Variants in OTUD7A observed in about 807,000 individuals in gnomAD.
OTUD7A encodes the protein OTU deubiquitinase 7A.
A neutral mutation model predicts 65.7 loss-of-function variants in OTUD7A; 12 were observed. That is an observed-to-expected ratio of 0.18 (90% CI 0.12 to 0.30). OTUD7A has a LOEUF of 0.30. OTUD7A is among the 10% of genes least tolerant of loss of function. The pLI is 1.00. For missense variants in OTUD7A, 1,148 were observed against 1,304.8 expected (o/e 0.88, Z 1.85); for synonymous variants, 641 against 586.3 (o/e 1.09, Z -1.35).
At chr15:31,777,969 T>C (rs997790454) in intron 1 of OTUD7A, among the ~76,000 whole-genome samples, 65 of 152,010 alleles carry the variant, frequency 4.3e-4, no homozygotes, top group Admixed American at 8.5e-4. Context: ...GATGGGCTGA[T>C]GGGAGGAAAT....
At chr15:31,867,485 A>G (rs1897908211) in intron 1 of OTUD7A, among the ~76,000 whole-genome samples, 1 of 152,144 alleles carries the variant, frequency 6.6e-6, no homozygotes, top group Admixed American at 6.5e-5. Flanking sequence ...GACATCCGCC[A>G]CCTATAATTC....
chr15:31,536,373 A>C (rs1887803128), intron 5 of OTUD7A, among the ~76,000 whole-genome samples: 1 of 152,244 alleles, frequency 6.6e-6, no homozygotes, highest in Non-Finnish European at 1.5e-5. Flanking sequence ...TTCTAATGTT[A>C]TGTGAAACTT....
At chr15:31,734,260 C>A (rs1894124919) in intron 1 of OTUD7A, among the ~76,000 whole-genome samples, 1 of 152,108 alleles carries the variant, frequency 6.6e-6, no homozygotes, top group Non-Finnish European at 1.5e-5. Context: ...AGAAGTGACA[C>A]AAACAAATGG....
chr15:31,643,419 TGAG>T (rs1400635095), intron 3 of OTUD7A, among the ~76,000 whole-genome samples: 1 of 152,262 alleles, frequency 6.6e-6, no homozygotes, highest in African/African-American at 2.4e-5. Flanking sequence ...TTAATTCCAC[TGAG>T]TTACTTTTTC....
intron 1 of OTUD7A, among the ~76,000 whole-genome samples, chr15:31,660,492 G>C (rs1268491140): frequency 1.3e-5 from 2 of 152,216 alleles, no homozygotes; most frequent in Non-Finnish European, 2.9e-5. Context: ...GGGAAGGTTG[G>C]TTCTGCCAAA....
chr15:31,829,910 C>T (rs878273), intron 1 of OTUD7A, among the ~76,000 whole-genome samples: 2,381 of 152,306 alleles, frequency 0.016, 67 homozygotes, highest in African/African-American at 0.054. Flanking sequence ...AAAGTGAACA[C>T]GACAATCTCT....
intron 3 of OTUD7A, among the ~76,000 whole-genome samples, chr15:31,622,662 C>T (rs889791203): frequency 8.5e-5 from 13 of 152,136 alleles, no homozygotes; most frequent in African/African-American, 2.9e-4. Flanking sequence ...GCTAGCCATT[C>T]GTCTAATCTT....
Position 31,510,983 on chromosome 15 carries a change from CTATATGTAACAT to C in OTUD7A, c.894-7177_894-7166del, listed in dbSNP as rs1443823716. Reference sequence around the variant, plus strand: ...ATATCTATATGTAACATATGTATATCTATATGTAACATATGTATATCTATATGTAACATACAT... The same window carrying C: ...ATATCTATATGTAACATATGTATATCATGTATATCTATATGTAACATACAT... On this transcript the variant is annotated intron_variant, in intron 8 of 12. Coordinates refer to ENST00000307050, the MANE Select transcript of OTUD7A (RefSeq NM_001382637.1). Among the ~76,000 whole-genome samples, 48 of 101,028 alleles carry C rather than the reference CTATATGTAACAT, an allele frequency of 4.8e-4. 20 individuals are homozygous for C. The highest frequency in any genetic ancestry group is 2.3e-3 in the South Asian group (7 of 3,004). 66.3% of individuals were successfully genotyped at this position (101,028 alleles called of 152,430 possible). A position where few individuals can be genotyped will look rare whatever the true frequency, so the allele number is the denominator to read the frequency against.
At position 31,767,346 on chromosome 15, in the gene OTUD7A, A is replaced by C. The variant is rs1023350576; in HGVS notation, c.-100+103161T>G. On this transcript the variant is annotated intron_variant, in intron 1 of 12. Coordinates refer to ENST00000307050, the MANE Select transcript of OTUD7A (RefSeq NM_001382637.1). ...AAGTAATTCGTAATATTCAAAAGTA[A>C]GTAGAGGTTCAGGGAGATCTAGAAA... is the stretch of plus-strand genomic sequence containing the variant. The C allele has an allele frequency of 5.1e-6, 4 of 776,920 alleles. No individual in the cohort carries two copies. In the African/African-American group the frequency reaches 6.8e-5, roughly 13 times the overall value. The allele number at this position is 776,920 out of a possible 1,614,324, so 48.1% of individuals were successfully genotyped here.
Position 31,481,844 on chromosome 15 carries a change from T to C in OTUD7A, c.*1450A>G, listed in dbSNP as rs1364535135. On this transcript the variant is annotated 3_prime_UTR_variant, in exon 13 of 13. Transcript: ENST00000307050. ...TGAAGAGATGGTCGACCTCCTGCTT[T>C]TTCTGAGGATACACTCACAGCAAAG... 3 of 152,310 alleles carry C rather than the reference T, an allele frequency of 2.0e-5. No homozygotes were observed. The highest frequency in any genetic ancestry group is 6.5e-5 in the Admixed American group (1 of 15,280). The allele number at this position is 152,310 out of a possible 1,614,324, so 9.4% of individuals were successfully genotyped here. A position where few individuals can be genotyped will look rare whatever the true frequency, so the allele number is the denominator to read the frequency against.
At chr15:31,514,635 G>A (rs1381382157) in intron 8 of OTUD7A, among the ~76,000 whole-genome samples, 1 of 152,102 alleles carries the variant, frequency 6.6e-6, no homozygotes, top group African/African-American at 2.4e-5. Context: ...TATTTGATCA[G>A]TCTTCCCATA....
intron 5 of OTUD7A, among the ~76,000 whole-genome samples, chr15:31,543,598 T>C (rs1888046780): frequency 6.6e-6 from 1 of 151,852 alleles, no homozygotes; most frequent in Non-Finnish European, 1.5e-5. Flanking sequence ...AAAGCTAACA[T>C]AGCTGAATCA....
At chr15:31,585,135 G>A (rs1436410236) in intron 3 of OTUD7A, among the ~76,000 whole-genome samples, 4 of 152,206 alleles carry the variant, frequency 2.6e-5, no homozygotes, top group Admixed American at 2.0e-4. Flanking sequence ...GCTGTTGCTT[G>A]CTGGTTAGAT....
At chr15:31,519,917 G>A (rs574141115) in intron 8 of OTUD7A, among the ~76,000 whole-genome samples, 5 of 152,116 alleles carry the variant, frequency 3.3e-5, no homozygotes, top group Admixed American at 2.0e-4. Context: ...CAAAAATATC[G>A]AGGAATATAT....
intron 3 of OTUD7A, among the ~76,000 whole-genome samples, chr15:31,616,516 T>C (rs1890591607): frequency 6.6e-6 from 1 of 152,202 alleles, no homozygotes; most frequent in African/African-American, 2.4e-5. Flanking sequence ...TTTTGTACAA[T>C]GCATAAACTA....
intron 1 of OTUD7A, among the ~76,000 whole-genome samples, chr15:31,804,022 G>C (rs1221996955): frequency 6.6e-6 from 1 of 152,138 alleles, no homozygotes; most frequent in African/African-American, 2.4e-5. Context: ...AACTCCAGGG[G>C]AGCAGAGGAT....
In OTUD7A at chr15:31,767,229, T is replaced by C. The variant is rs1248806802; in HGVS notation, c.-100+103278A>G. On this transcript the variant is annotated intron_variant, in intron 1 of 12. Transcript: ENST00000307050. ...AGACTGGGGATCATCTTGGATTTTATGTATCCCACTGGATCTATCTGAAAC... is the reference window on the plus strand; with the variant it reads ...AGACTGGGGATCATCTTGGATTTTACGTATCCCACTGGATCTATCTGAAAC... The C allele has an allele frequency of 7.5e-6, 7 of 938,918 alleles. No homozygotes were observed. The East Asian group carries it at 1.7e-4, about 22-fold the overall frequency. 58.2% of individuals were successfully genotyped at this position (938,918 alleles called of 1,614,324 possible).
rs191967857 is a variant in OTUD7A, at chr15:31,835,499, G to A, written c.-100+35008C>T. Among the ~76,000 whole-genome samples, 70 of 152,222 alleles carry A rather than the reference G, an allele frequency of 4.6e-4. 1 individual carries two copies. The highest frequency in any genetic ancestry group is 7.1e-4 in the Non-Finnish European group (48 of 67,998). On this transcript the variant is annotated intron_variant, in intron 1 of 12. Coordinates refer to ENST00000307050, the MANE Select transcript of OTUD7A (RefSeq NM_001382637.1). ...AGCAAATCCCCACTGATTTTTCACC[G>A]CAAATAATAAGTACAAGGCAGCCAG... is the stretch of plus-strand genomic sequence containing the variant.
In OTUD7A at chr15:31,484,761, G is replaced by T; in HGVS notation, c.1372-37C>A. On this transcript the variant is annotated intron_variant, in intron 12 of 12. Coordinates refer to ENST00000307050, the MANE Select transcript of OTUD7A (RefSeq NM_001382637.1). The surrounding 1 kb of genome is among the most constrained non-coding windows in gnomAD (Gnocchi z 4.5). Reference sequence around the variant, plus strand: ...GGGAGGGCCGGATCGAAGGTGGTTAGAGAAGAGCTGTCCACGCGCCAGCGA... The same window carrying T: ...GGGAGGGCCGGATCGAAGGTGGTTATAGAAGAGCTGTCCACGCGCCAGCGA... 1 of 1,580,960 alleles carries T rather than the reference G, an allele frequency of 6.3e-7. No individual in the cohort carries two copies. The highest frequency in any genetic ancestry group is 2.3e-5 in the East Asian group (1 of 44,280).
Sources: gnomAD v4.1 joint callset for allele counts (sites outside exome capture counted in the v4.1 genomes callset) on GRCh38, gnomAD v4.1.1 for gene constraint, Gnocchi (gnomAD v3.1) non-coding constraint, MANE v1.5 for transcripts, NCBI Gene and HGNC (gene_info 2026-07-23, HGNC 2026-07-21) for gene names.